Variants in ARHGAP15 observed in about 807,000 individuals in gnomAD.
ARHGAP15 encodes the protein Rho GTPase activating protein 15.
ARHGAP15 carries 51 observed loss-of-function variants against 63.7 expected under a neutral mutation model. The ratio of observed to expected loss-of-function variants is 0.80; its 90% CI spans 0.64 to 1.01. The LOEUF is 1.01. Among genes scored for constraint, ARHGAP15 ranks in the 50% least tolerant of loss-of-function variants. ARHGAP15 has a pLI of 0.00. For missense variants in ARHGAP15, 560 were observed against 564.6 expected, an observed-to-expected ratio of 0.99 and a Z score of 0.08; for synonymous variants, 191 against 193.8, an observed-to-expected ratio of 0.99 and a Z score of 0.12.
At position 143,233,934 on chromosome 2, in the gene ARHGAP15, C is replaced by A. The variant is rs534064375; in HGVS notation, c.384+5266C>A. Among the ~76,000 whole-genome samples the A allele has an allele frequency of 5.5e-4, 84 of 152,092 alleles. 3 individuals are homozygous for A. The highest frequency in any genetic ancestry group is 2.8e-4 in the Non-Finnish European group (19 of 68,006). On this transcript the variant is annotated intron_variant, in intron 5 of 13. Coordinates refer to ENST00000295095, the MANE Select transcript of ARHGAP15 (RefSeq NM_018460.4). ...TGCTGGGATTACAGGTGTCAGCCAC[C>A]GCACCAGGCCCAATGGCTATCTTTT...
chr2:143,173,960 G>A (rs1376568253), intron 2 of ARHGAP15, among the ~76,000 whole-genome samples: 4 of 152,010 alleles, frequency 2.6e-5, no homozygotes, highest in Non-Finnish European at 4.4e-5. Context: ...TATTCTCCTT[G>A]GTTGAATTCC....
intron 13 of ARHGAP15, among the ~76,000 whole-genome samples, chr2:143,711,941 A>AAAAC (rs775120816): frequency 5.8e-4 from 89 of 152,210 alleles, no homozygotes; most frequent in Non-Finnish European, 1.1e-3. Flanking sequence ...AAAACAAAAC[A>AAAAC]AAACAAAACC....
At chr2:143,361,352 C>A (rs1251233876) in intron 6 of ARHGAP15, among the ~76,000 whole-genome samples, 1 of 152,222 alleles carries the variant, frequency 6.6e-6, no homozygotes, top group Non-Finnish European at 1.5e-5. Flanking sequence ...ATTATCTTAA[C>A]TATCAACATT....
intron 1 of ARHGAP15, among the ~76,000 whole-genome samples, chr2:143,138,028 A>G (rs991239416): frequency 6.6e-6 from 1 of 152,150 alleles, no homozygotes; most frequent in Non-Finnish European, 1.5e-5. Context: ...TGTCTCAAGC[A>G]CTGTGGTAAG....
At chr2:143,479,049 A>AT (rs890418879) in intron 8 of ARHGAP15, among the ~76,000 whole-genome samples, 2 of 152,194 alleles carry the variant, frequency 1.3e-5, no homozygotes, top group African/African-American at 4.8e-5. Flanking sequence ...CTTTACAGGC[A>AT]TTTTTACAAA....
rs180750396 is a variant in ARHGAP15, at chr2:143,444,670, T to C, written c.703+7628T>C. 2.9e-4 allele frequency among the ~76,000 whole-genome samples: 44 copies of C among 152,180 alleles called. No homozygotes were observed. The East Asian group carries it at 7.7e-3, about 27-fold the overall frequency. Reference sequence around the variant, plus strand: ...GATGTCCCAAATAGGCCTAATAACATGCTTGGGGGAAAAAAAAAATCCGTT... The same window carrying C: ...GATGTCCCAAATAGGCCTAATAACACGCTTGGGGGAAAAAAAAAATCCGTT... On this transcript the variant is annotated intron_variant, in intron 8 of 13. Coordinates refer to ENST00000295095, the MANE Select transcript of ARHGAP15 (RefSeq NM_018460.4).
intron 11 of ARHGAP15, among the ~76,000 whole-genome samples, chr2:143,607,250 A>G (rs561379455): frequency 2.5e-3 from 383 of 152,296 alleles, no homozygotes; most frequent in African/African-American, 9.0e-3. Context: ...AAGAGGCTGG[A>G]GAGTCTTACT....
intron 6 of ARHGAP15, among the ~76,000 whole-genome samples, chr2:143,413,962 T>TGCGCGCGCGCGCGCGC (rs1337258046): frequency 5.0e-5 from 3 of 59,580 alleles, no homozygotes; most frequent in Admixed American, 2.4e-4. Context: ...TGTGTGTGTG[T>TGCGCGCGCGCGCGCGC]GTGTGCGCGC....
At chr2:143,573,374 T>C (rs1696539854) in intron 11 of ARHGAP15, among the ~76,000 whole-genome samples, 1 of 152,280 alleles carries the variant, frequency 6.6e-6, no homozygotes, top group South Asian at 2.1e-4. Context: ...CTCCCAAATA[T>C]GTTCCACTCT....
rs201805505 is a variant in ARHGAP15 at position 143,519,257 on chromosome 2, C to T, written c.827-9C>T. Reference sequence around the variant, plus strand: ...ATTTTAATGAAGCTCATCTTTGTTTCTTTTGCAGATCAAATTTTTGGCTCT... The same window carrying T: ...ATTTTAATGAAGCTCATCTTTGTTTTTTTTGCAGATCAAATTTTTGGCTCT... On this transcript the variant is annotated splice_polypyrimidine_tract_variant and intron_variant, in intron 9 of 13. Coordinates refer to ENST00000295095, the MANE Select transcript of ARHGAP15 (RefSeq NM_018460.4). 1.7e-4 allele frequency: 275 copies of T among 1,602,796 alleles called. 2 individuals are homozygous for T. The highest frequency in any genetic ancestry group is 9.6e-5 in the Non-Finnish European group (112 of 1,170,480).
rs1449090041 is a variant in ARHGAP15, at chr2:143,421,309, C to A, written c.475-14292C>A. ...ATCACCCAGGCCTAATAGTCACAAA[C>A]GTGACAAATATGCTGGAAGTTTTTC... On this transcript the variant is annotated intron_variant, in intron 6 of 13. Coordinates refer to ENST00000295095, the MANE Select transcript of ARHGAP15 (RefSeq NM_018460.4). Among the ~76,000 whole-genome samples the A allele has an allele frequency of 3.3e-5, 5 of 152,024 alleles. No homozygotes were observed. The East Asian group carries it at 9.6e-4, about 29-fold the overall frequency.
At chr2:143,670,981 C>G (rs1434431945) in intron 12 of ARHGAP15, among the ~76,000 whole-genome samples, 5 of 152,248 alleles carry the variant, frequency 3.3e-5, no homozygotes, top group East Asian at 3.9e-4. Flanking sequence ...CTCATTTGTT[C>G]TTCTGGCTTT....
intron 12 of ARHGAP15, among the ~76,000 whole-genome samples, chr2:143,664,952 G>A (rs1222850938): frequency 6.6e-6 from 1 of 151,478 alleles, no homozygotes; most frequent in African/African-American, 2.4e-5. Context: ...AAGAGTCCAG[G>A]ACCAGATGGA....
intron 3 of ARHGAP15, among the ~76,000 whole-genome samples, chr2:143,209,177 G>C (rs1480196602): frequency 6.6e-6 from 1 of 152,098 alleles, no homozygotes; most frequent in African/African-American, 2.4e-5. Flanking sequence ...TCCTTAAACT[G>C]CTGAAAAACT....
At chr2:143,292,813 C>G (rs146953560) in intron 6 of ARHGAP15, among the ~76,000 whole-genome samples, 1 of 151,838 alleles carries the variant, frequency 6.6e-6, no homozygotes, top group East Asian at 1.9e-4. Flanking sequence ...TTTTACAAGA[C>G]CATTTATTTT....
At chr2:143,215,099 A>G (rs1692698140) in intron 3 of ARHGAP15, among the ~76,000 whole-genome samples, 1 of 152,156 alleles carries the variant, frequency 6.6e-6, no homozygotes, top group Admixed American at 6.5e-5. Context: ...ATAGCACATT[A>G]TTTGCCTGCA....
At chr2:143,195,964 T>C (rs1225785121) in intron 2 of ARHGAP15, among the ~76,000 whole-genome samples, 1 of 152,020 alleles carries the variant, frequency 6.6e-6, no homozygotes, top group Admixed American at 6.6e-5. Context: ...CAGTTTCATA[T>C]CCTTTAAATA....
intron 11 of ARHGAP15, among the ~76,000 whole-genome samples, chr2:143,574,449 A>G (rs896273100): frequency 1.3e-5 from 2 of 152,034 alleles, no homozygotes; most frequent in African/African-American, 4.8e-5. Context: ...GATTTATTTC[A>G]AAAGATAAAA....
intron 9 of ARHGAP15, among the ~76,000 whole-genome samples, chr2:143,508,166 A>T (rs536792039): frequency 1.3e-5 from 2 of 151,962 alleles, no homozygotes; most frequent in South Asian, 4.2e-4. Context: ...CCTCAGCCAT[A>T]CTTCCTCTTG....
Sources: gnomAD v4.1 joint callset for allele counts (sites outside exome capture counted in the v4.1 genomes callset) on GRCh38, gnomAD v4.1.1 for gene constraint, MANE v1.5 for transcripts, NCBI Gene and HGNC (gene_info 2026-07-23, HGNC 2026-07-21) for gene names.